VMA12: variants seen among roughly 807,000 people sequenced by gnomAD.
VMA12 encodes the protein vacuolar ATPase assembly protein VMA12.
At chr17:28,359,912 A>AAAATAAAT in the VMA12 span, among the ~76,000 whole-genome samples, 10 of 151,900 alleles carry the variant, frequency 6.6e-5, no homozygotes, top group East Asian at 1.9e-4. Context: ...ACTCCATCTC[A>AAAATAAAT]AAATAAATAA....
the VMA12 span, chr17:28,357,668 G>T: frequency 8.1e-6 from 13 of 1,611,752 alleles, no homozygotes; most frequent in Non-Finnish European, 1.1e-5. Context: ...GAGCCGGCTA[G>T]ATATGGCGTC....
At chr17:28,358,165 A>C in the VMA12 span, 4 of 491,674 alleles carry the variant, frequency 8.1e-6, no homozygotes, top group Non-Finnish European at 1.5e-5. Flanking sequence ...TACCAAATAC[A>C]AATATCACAG....
the VMA12 span, chr17:28,360,762 C>T: frequency 6.2e-7 from 1 of 1,614,074 alleles, no homozygotes; most frequent in Non-Finnish European, 8.5e-7. Context: ...CTGGTCATCA[C>T]CATCTTCAAT....
chr17:28,358,036 C>T, the VMA12 span: 1 of 769,686 alleles, frequency 1.3e-6, no homozygotes. Context: ...TTTCTTAACT[C>T]CCATGGGAAT....
chr17:28,358,719 A>G, the VMA12 span, among the ~76,000 whole-genome samples: 1 of 152,222 alleles, frequency 6.6e-6, no homozygotes, highest in Non-Finnish European at 1.5e-5. Context: ...TGACAGCTAA[A>G]GTCACCTGCG....
the VMA12 span, chr17:28,360,987 C>T: frequency 1.1e-6 from 1 of 915,568 alleles, no homozygotes; most frequent in South Asian, 1.5e-5. Flanking sequence ...TAGAGCTTTC[C>T]AGCAGTCACG....
At chr17:28,358,960 T>C in the VMA12 span, 1,921 of 1,612,660 alleles carry the variant, frequency 1.2e-3, 24 homozygotes, top group African/African-American at 0.023. Flanking sequence ...CAGTGAAATC[T>C]ATCTCCCAGA....
chr17:28,359,247 C>T, the VMA12 span: 3 of 1,539,886 alleles, frequency 1.9e-6, no homozygotes, highest in Non-Finnish European at 2.7e-6. Flanking sequence ...CCCCTGGAAC[C>T]AATGATTGTG....
chr17:28,362,690 C>G, the VMA12 span: 12,162 of 152,260 alleles, frequency 0.08, 612 homozygotes, highest in Non-Finnish European at 0.11. Flanking sequence ...CCCAGCTACT[C>G]AGGAGGCTAA....
the VMA12 span, chr17:28,361,337 C>G: frequency 7.5e-7 from 1 of 1,340,664 alleles, no homozygotes; most frequent in South Asian, 1.2e-5. Context: ...ACCCATCAGA[C>G]TTTTTGTATT....
the VMA12 span, chr17:28,361,065 G>A: frequency 1.6e-6 from 2 of 1,247,450 alleles, no homozygotes; most frequent in Non-Finnish European, 1.2e-6. Flanking sequence ...CTTAGAGGGT[G>A]GTTGGGGGGC....
chr17:28,361,086 C>T, the VMA12 span: 16 of 1,470,642 alleles, frequency 1.1e-5, 1 homozygote, highest in South Asian at 1.8e-4. Flanking sequence ...TCTCCATCCT[C>T]ATTAAAGTTG....
the VMA12 span, chr17:28,358,031 T>C: frequency 1.3e-6 from 1 of 795,448 alleles, no homozygotes; most frequent in East Asian, 2.7e-5. Context: ...CCCACTTTCT[T>C]AACTCCCATG....
At chr17:28,361,494 A>G in the VMA12 span, 1 of 488,968 alleles carries the variant, frequency 2.0e-6, no homozygotes, top group Non-Finnish European at 3.7e-6. Context: ...GTCTATCAGT[A>G]CCTCTTCCTG....
the VMA12 span, chr17:28,359,237 C>T: frequency 6.0e-5 from 88 of 1,472,572 alleles, no homozygotes; most frequent in Non-Finnish European, 7.6e-5. Context: ...CAGTGCTTTA[C>T]CCCTGGAACC....
At chr17:28,361,142 T>G in the VMA12 span, 1 of 1,613,588 alleles carries the variant, frequency 6.2e-7, no homozygotes, top group Admixed American at 1.7e-5. Context: ...TAAGCCTGGT[T>G]CTCCCCATCT....
chr17:28,362,479 T>C, the VMA12 span: 17 of 152,082 alleles, frequency 1.1e-4, no homozygotes, highest in African/African-American at 3.9e-4. Context: ...ATGGCCAATA[T>C]AGCGAAACCC....
chr17:28,361,213 C>T, the VMA12 span: 1 of 1,614,100 alleles, frequency 6.2e-7, no homozygotes, highest in Non-Finnish European at 8.5e-7. Context: ...AGCTGTATGT[C>T]ATGGTGCGGG....
At chr17:28,358,188 C>T in the VMA12 span, 15 of 439,694 alleles carry the variant, frequency 3.4e-5, no homozygotes, top group Admixed American at 2.1e-4. Flanking sequence ...TTTGTCTCTT[C>T]TTTTTCTCCA....
Sources: gnomAD v4.1 joint callset for allele counts (sites outside exome capture counted in the v4.1 genomes callset) on GRCh38, gnomAD v4.1.1 for gene constraint, MANE v1.5 for transcripts, NCBI Gene and HGNC (gene_info 2026-07-23, HGNC 2026-07-21) for gene names.